The following ADAMTSL1 variants were observed in gnomAD, a reference collection of about 807,000 sequenced individuals.
The protein encoded by ADAMTSL1 is ADAMTS like 1, also known as ADAMTS-like protein 1.
Under a neutral mutation model 201.8 loss-of-function variants are expected in ADAMTSL1, and 126 were observed. That is an observed-to-expected ratio of 0.62 (90% CI 0.54 to 0.72). ADAMTSL1 has a LOEUF of 0.72. ADAMTSL1 is among the 30% of genes least tolerant of loss of function. The pLI is 0.00. For synonymous variants in ADAMTSL1, 1,121 were observed against 903.4 expected (o/e 1.24, Z -4.32); for missense variants, 2,679 against 2,277.8 (o/e 1.18, Z -3.59).
At chr9:18,107,505 T>C (rs557405783) in intron 1 of ADAMTSL1, among the ~76,000 whole-genome samples, 1 of 152,268 alleles carries the variant, frequency 6.6e-6, no homozygotes, top group South Asian at 2.1e-4. Flanking sequence ...ATGGCAGTAC[T>C]TCAGGGAATA....
intron 1 of ADAMTSL1, among the ~76,000 whole-genome samples, chr9:18,501,332 G>A (rs774786893): frequency 5.3e-5 from 8 of 151,898 alleles, no homozygotes; most frequent in South Asian, 4.2e-4. Flanking sequence ...GCAACATAGC[G>A]AAACCTCGTC....
intron 1 of ADAMTSL1, among the ~76,000 whole-genome samples, chr9:18,127,285 C>A (rs1285779950): frequency 1.3e-5 from 2 of 152,062 alleles, no homozygotes; most frequent in Non-Finnish European, 2.9e-5. Context: ...GATTAACTAC[C>A]TAGACCACCT....
At chr9:18,763,759 T>C (rs1391204080) in intron 16 of ADAMTSL1, among the ~76,000 whole-genome samples, 3 of 152,236 alleles carry the variant, frequency 2.0e-5, no homozygotes, top group Non-Finnish European at 4.4e-5. Flanking sequence ...CCCCAGTGTA[T>C]GTTCTTGGCA....
intron 15 of ADAMTSL1, among the ~76,000 whole-genome samples, chr9:18,722,815 C>G (rs1375300316): frequency 1.3e-5 from 2 of 152,130 alleles, no homozygotes; most frequent in Non-Finnish European, 2.9e-5. Flanking sequence ...GGAGAAGCAC[C>G]CAACCCATGA....
At chr9:18,897,786 G>C (rs1160269997) in intron 26 of ADAMTSL1, among the ~76,000 whole-genome samples, 2 of 152,232 alleles carry the variant, frequency 1.3e-5, no homozygotes, top group Non-Finnish European at 2.9e-5. Flanking sequence ...AAAAGCCAGA[G>C]TGCCTCTTCT....
At chr9:17,908,673 G>A (rs553891158) in intron 1 of ADAMTSL1, among the ~76,000 whole-genome samples, 1 of 152,260 alleles carries the variant, frequency 6.6e-6, no homozygotes, top group Non-Finnish European at 1.5e-5. Flanking sequence ...GGCCAGGCTA[G>A]TCTCAAACTC....
At chr9:18,524,740 C>T (rs1245324218) in intron 2 of ADAMTSL1, among the ~76,000 whole-genome samples, 5 of 152,126 alleles carry the variant, frequency 3.3e-5, no homozygotes, top group Admixed American at 6.5e-5. Context: ...TGCTGGATTA[C>T]GTTTATTGAT....
At chr9:18,278,325 G>A (rs756958054) in intron 2 of ADAMTSL1, among the ~76,000 whole-genome samples, 1 of 152,104 alleles carries the variant, frequency 6.6e-6, no homozygotes, top group Non-Finnish European at 1.5e-5. Context: ...AGCATTTCTG[G>A]TACAGCAGGT....
At chr9:18,391,449 A>G (rs1396637681) in intron 2 of ADAMTSL1, among the ~76,000 whole-genome samples, 1 of 152,096 alleles carries the variant, frequency 6.6e-6, no homozygotes, top group Non-Finnish European at 1.5e-5. Flanking sequence ...GGTAGTTAAA[A>G]CAATTTTTTT....
intron 7 of ADAMTSL1, among the ~76,000 whole-genome samples, chr9:18,648,551 C>G (rs892239731): frequency 2.6e-5 from 4 of 151,576 alleles, no homozygotes; most frequent in Admixed American, 1.3e-4. Context: ...ATGTTTAGCA[C>G]TTCCTTCAGG....
intron 13 of ADAMTSL1, among the ~76,000 whole-genome samples, chr9:18,696,391 TG>T (rs1200503527): frequency 1.3e-5 from 2 of 152,068 alleles, no homozygotes; most frequent in Non-Finnish European, 1.5e-5. Flanking sequence ...GAGTAGTAAC[TG>T]GGGGAAAATG....
intron 1 of ADAMTSL1, among the ~76,000 whole-genome samples, chr9:18,157,133 T>C (rs1244806778): frequency 6.6e-6 from 1 of 152,034 alleles, no homozygotes; most frequent in Non-Finnish European, 1.5e-5. Context: ...TCAGTGTCTG[T>C]GTTCATAACA....
intron 1 of ADAMTSL1, among the ~76,000 whole-genome samples, chr9:18,064,991 T>C (rs7041344): frequency 8.8e-6 from 1 of 113,466 alleles, no homozygotes; most frequent in African/African-American, 3.3e-5. Flanking sequence ...TTTTTTTTGG[T>C]GGGCTCTGAA....
chr9:18,502,000 G>A (rs185007569), intron 1 of ADAMTSL1, among the ~76,000 whole-genome samples: 138 of 152,290 alleles, frequency 9.1e-4, no homozygotes, highest in Non-Finnish European at 5.6e-4. Flanking sequence ...TTAGCACAGA[G>A]TTTGAAACAA....
intron 3 of ADAMTSL1, among the ~76,000 whole-genome samples, chr9:18,534,220 A>C (rs1819617129): frequency 6.6e-6 from 1 of 152,128 alleles, no homozygotes; most frequent in Non-Finnish European, 1.5e-5. Context: ...GTTGCACTGG[A>C]ACAGGAAGTG....
intron 2 of ADAMTSL1, among the ~76,000 whole-genome samples, chr9:18,524,883 G>A (rs1818935857): frequency 1.3e-5 from 2 of 152,266 alleles, no homozygotes; most frequent in African/African-American, 2.4e-5. Context: ...GTTCATCAGG[G>A]ATATTGGTCT....
At chr9:18,474,767 A>G (rs937298684) in intron 1 of ADAMTSL1, among the ~76,000 whole-genome samples, 2 of 152,122 alleles carry the variant, frequency 1.3e-5, no homozygotes, top group African/African-American at 4.8e-5. Flanking sequence ...TAAAGAGGGG[A>G]ATGAGAGCCT....
intron 14 of ADAMTSL1, 119 bp downstream of exon 14, chr9:18,707,167 G>A: frequency 7.8e-7 from 1 of 1,278,952 alleles, no homozygotes; most frequent in Non-Finnish European, 1.1e-6. Context: ...AGGAGGAGGG[G>A]AGGCAGCCAT....
At chr9:18,355,192 C>T (rs1024764186) in intron 2 of ADAMTSL1, among the ~76,000 whole-genome samples, 7 of 152,150 alleles carry the variant, frequency 4.6e-5, no homozygotes, top group African/African-American at 1.4e-4. Context: ...AGAATGGTAT[C>T]ACTGTTCTCC....
Sources: gnomAD v4.1 joint callset for allele counts (sites outside exome capture counted in the v4.1 genomes callset) on GRCh38, gnomAD v4.1.1 for gene constraint, MANE v1.5 for transcripts, NCBI Gene and HGNC (gene_info 2026-07-23, HGNC 2026-07-21) for gene names.